The following SYNE2 variants were observed in gnomAD, a reference collection of about 807,000 sequenced individuals.
The protein encoded by SYNE2 is nesprin-2.
SYNE2 carries 431 observed loss-of-function variants against 856.3 expected under a neutral mutation model. The ratio of observed to expected loss-of-function variants is 0.50; its 90% confidence interval spans 0.47 to 0.55. The LOEUF is 0.55. Among genes scored for constraint, SYNE2 ranks in the 20% least tolerant of loss-of-function variants. The pLI is 0.00. For synonymous variants in SYNE2, 2,923 were observed against 2,872.3 expected, an observed-to-expected ratio of 1.02 and a Z score of -0.56; for missense variants, 8,129 against 8,023.2, an observed-to-expected ratio of 1.01 and a Z score of -0.50.
rs1235930565 is a variant in SYNE2 at position 64,152,567 on chromosome 14, A to G, written c.15643A>G (p.Ile5215Val). 3 of 1,614,046 alleles carry G rather than the reference A, an allele frequency of 1.9e-6. No individual in the cohort carries two copies. Among genetic ancestry groups the G allele is most frequent in the East Asian group, 2.2e-5 (1 of 44,852 alleles). The change falls in exon 85 of 116, where the codon ATA (isoleucine) becomes GTA (valine). Residue 5215 changes from isoleucine to valine, a missense_variant. Transcript: ENST00000555002. ...VQKLLLDCQD[I>V]ENQLAIKSKA... ...CCTTTTCCTCTTACTCTTCCAGGATATAGAAAATCAACTTGCAATTAAATC... is the reference window on the plus strand; with the variant it reads ...CCTTTTCCTCTTACTCTTCCAGGATGTAGAAAATCAACTTGCAATTAAATC...
chr14:64,063,141 T>G (rs2097330414), intron 50 of SYNE2, among the ~76,000 whole-genome samples: 1 of 152,176 alleles, frequency 6.6e-6, no homozygotes, highest in Non-Finnish European at 1.5e-5. Context: ...CCTCCCGGCT[T>G]CAAGTGATTT....
At chr14:64,038,304 C>G (rs575298380) in intron 45 of SYNE2, among the ~76,000 whole-genome samples, 19 of 152,214 alleles carry the variant, frequency 1.2e-4, no homozygotes, top group African/African-American at 4.6e-4. Flanking sequence ...AAGAGGCGCT[C>G]CTCACTTCCT....
intron 1 of SYNE2, among the ~76,000 whole-genome samples, chr14:63,801,548 G>T (rs761666404): frequency 6.6e-6 from 1 of 151,728 alleles, no homozygotes; most frequent in Non-Finnish European, 1.5e-5. Context: ...GCATGGTGGC[G>T]CATGCCTGTA....
chr14:64,117,170 C>A (rs1190894849), intron 66 of SYNE2, among the ~76,000 whole-genome samples: 1 of 152,148 alleles, frequency 6.6e-6, no homozygotes, highest in African/African-American at 2.4e-5. Context: ...TATCCCTTAT[C>A]CCCAAATGCT....
intron 44 of SYNE2, among the ~76,000 whole-genome samples, chr14:64,030,775 C>T (rs2097027909): frequency 6.6e-6 from 1 of 152,144 alleles, no homozygotes; most frequent in Non-Finnish European, 1.5e-5. Context: ...CTGTTGATTG[C>T]CTCCTGTGTT....
intron 32 of SYNE2, among the ~76,000 whole-genome samples, chr14:64,014,969 A>G (rs1321246877): frequency 7.4e-5 from 10 of 134,934 alleles, no homozygotes; most frequent in African/African-American, 1.2e-4. Context: ...ATATATATAT[A>G]TATATACACA....
Position 64,194,762 on chromosome 14 carries a change from G to T in SYNE2, c.18038+4525G>T, listed in dbSNP as rs200325913. Among the ~76,000 whole-genome samples, 5 of 152,192 alleles carry T rather than the reference G, an allele frequency of 3.3e-5. No individual in the cohort carries two copies. The East Asian group carries it at 9.6e-4, about 29-fold the overall frequency. On this transcript the variant is annotated intron_variant, in intron 99 of 115. Coordinates refer to ENST00000555002, the MANE Select transcript of SYNE2 (RefSeq NM_182914.3). ...GAACAGTTGAGATACAAATTGTTGG[G>T]TGATAGACAGAAAGATGCAAGGTTA...
At chr14:63,938,272 G>A (rs35224808) in intron 2 of SYNE2, among the ~76,000 whole-genome samples, 102,865 of 151,810 alleles carry the variant, frequency 0.68, 35,103 homozygotes, top group South Asian at 0.77. Flanking sequence ...CCTGGGTAAC[G>A]TGGTGACACC....
intron 1 of SYNE2, among the ~76,000 whole-genome samples, chr14:63,894,711 G>T (rs1180001401): frequency 1.3e-5 from 2 of 152,188 alleles, no homozygotes; most frequent in Non-Finnish European, 2.9e-5. Flanking sequence ...ATTCTTTGAT[G>T]TAAAGTGTCC....
rs778555365 is a variant in SYNE2, at chr14:64,122,053, A to T, written c.13200A>T (p.Lys4400Asn). 4 of 1,614,008 alleles carry T rather than the reference A, an allele frequency of 2.5e-6. No homozygotes were observed. Among genetic ancestry groups the T allele is most frequent in the Non-Finnish European group, 3.4e-6 (4 of 1,180,012 alleles). ...CAATGGAACAGAAAGATTTCATCAA[A>T]TTCATAGAATTTAATGCTAAGAAAA... ...LKPMEQKDFI[K>N]FIEFNAKKMW... Residue 4400 changes from lysine to asparagine, a missense_variant, in exon 69 of 116, where the codon AAA becomes AAT. Lys to Asn is a moderately conservative substitution (Grantham distance 94). Around this residue, in one of 3 missense-constraint regions of SYNE2, gnomAD observed 5,410 missense variants for 5,284.8 expected, o/e 1.02. Coordinates refer to ENST00000555002, the MANE Select transcript of SYNE2 (RefSeq NM_182914.3).
intron 48 of SYNE2, among the ~76,000 whole-genome samples, chr14:64,054,947 G>A (rs753529036): frequency 4.6e-5 from 7 of 152,162 alleles, no homozygotes; most frequent in Non-Finnish European, 1.0e-4. Flanking sequence ...AAATAGTTTT[G>A]TAATAAATGA....
intron 105 of SYNE2, 167 bp from the exon 106 acceptor site, chr14:64,214,027 T>C (rs917486654): frequency 1.0e-6 from 1 of 998,012 alleles, no homozygotes. Flanking sequence ...TTGTCTAAAC[T>C]GGAATAACCA....
At chr14:63,817,285 A>C (rs1015948618) in intron 1 of SYNE2, among the ~76,000 whole-genome samples, 2 of 151,778 alleles carry the variant, frequency 1.3e-5, no homozygotes, top group Non-Finnish European at 2.9e-5. Flanking sequence ...ACATGGAAAA[A>C]TCCTGTCTCT....
At position 64,003,266 on chromosome 14, in the gene SYNE2, G is replaced by A; in HGVS notation, c.4333G>A (p.Asp1445Asn). 1 of 1,613,916 alleles carries A rather than the reference G, an allele frequency of 6.2e-7. No individual in the cohort carries two copies. Among genetic ancestry groups the A allele is most frequent in the South Asian group, 1.1e-5 (1 of 91,014 alleles). Residue 1445 changes from aspartate (D) to asparagine (N), a missense_variant, in exon 30 of 116, where the codon GAT becomes AAT. Asp to Asn is a conservative substitution (Grantham distance 23). Around this residue, in one of 3 missense-constraint regions of SYNE2, gnomAD observed 2,422 missense variants for 2,357.4 expected, o/e 1.03. Coordinates refer to ENST00000555002, the MANE Select transcript of SYNE2 (RefSeq NM_182914.3). ...KNNELLKNIQ[D>N]VQSQISKIGL... The stretch of plus-strand genomic sequence containing the variant: ...TAATGAACTCCTTAAAAATATTCAA[G>A]ATGTGCAGAGTCAAATCAGTAAAAT...
chr14:64,048,448 G>T, intron 46 of SYNE2: 1 of 245,490 alleles, frequency 4.1e-6, no homozygotes, highest in Non-Finnish European at 7.9e-6. Flanking sequence ...TTTCTTACAA[G>T]TATATATTCT....
Position 64,122,117 on chromosome 14 carries a change from C to G in SYNE2, c.13264C>G (p.Gln4422Glu). Residue 4422 changes from glutamine to glutamate, a missense_variant, in exon 69 of 116, where the codon CAG (glutamine) becomes GAG (glutamate). This residue lies in a region of SYNE2 where 5,410 missense variants were observed against 5,284.8 expected (regional missense o/e 1.02). Transcript: ENST00000555002. ...QYCQHDNDTT[Q>E]ESSASNQASS... ...TTGCCAACATGATAACGATACAACT[C>G]AGGAATCATCTGCAAGGTAAAACAT... 1 of 1,614,112 alleles carries G rather than the reference C, an allele frequency of 6.2e-7. No individual in the cohort carries two copies. The highest frequency in any genetic ancestry group is 8.5e-7 in the Non-Finnish European group (1 of 1,180,036).
chr14:63,998,077 TGAGAC>T (rs2096726803), intron 25 of SYNE2, 137 bp from the exon 26 acceptor site: 1 of 713,060 alleles, frequency 1.4e-6, no homozygotes, highest in Non-Finnish European at 2.5e-6. Context: ...TTCTCTGAGC[TGAGAC>T]ATCTCAAAGA....
At chr14:63,782,260 G>A (rs1183145843) in intron 1 of SYNE2, among the ~76,000 whole-genome samples, 2 of 152,000 alleles carry the variant, frequency 1.3e-5, no homozygotes, top group African/African-American at 4.8e-5. Context: ...GATCACCTGA[G>A]GTCAGGAGTT....
intron 74 of SYNE2, 123 bp downstream of exon 74, chr14:64,128,676 A>C: frequency 1.4e-6 from 1 of 708,906 alleles, no homozygotes; most frequent in Non-Finnish European, 2.6e-6. Flanking sequence ...TAAATAAAAA[A>C]TGAGAACTAT....
Sources: gnomAD v4.1 joint callset for allele counts (sites outside exome capture counted in the v4.1 genomes callset) on GRCh38, gnomAD v4.1.1 for gene constraint, gnomAD v4.1.1 regional missense constraint, MANE v1.5 for transcripts, NCBI Gene and HGNC (gene_info 2026-07-23, HGNC 2026-07-21) for gene names.